JPH3: variants seen among roughly 807,000 people sequenced by gnomAD.
JPH3 encodes the protein junctophilin-3.
JPH3 carries 11 observed loss-of-function variants against 59.6 expected under a neutral mutation model. The ratio of observed to expected loss-of-function variants is 0.18; its 90% CI spans 0.12 to 0.31. The LOEUF (loss-of-function observed/expected upper bound fraction) is 0.31, where lower values mean the gene tolerates loss of function less well. JPH3 is among the 10% of genes least tolerant of loss of function. JPH3 has a pLI of 1.00. For synonymous variants in JPH3, 673 were observed against 483.6 expected, an observed-to-expected ratio of 1.39 and a Z score of -5.14; for missense variants, 1,202 against 1,105.7, an observed-to-expected ratio of 1.09 and a Z score of -1.24.
chr16:87,690,640 G>C, intron 4 of JPH3, 114 bp downstream of exon 4: 1 of 1,132,666 alleles, frequency 8.8e-7, no homozygotes, highest in Non-Finnish European at 1.2e-6. Flanking sequence ...CCTCTCCAGG[G>C]GTGGAGTAGG....
rs1328216609 is a variant in JPH3 at position 87,690,016 on chromosome 16, C to T, written c.1656C>T (p.Leu552=). 14 of 1,526,712 alleles carry T rather than the reference C, an allele frequency of 9.2e-6. No homozygotes were observed. The highest frequency in any genetic ancestry group is 4.2e-5 in the African/African-American group (3 of 72,138). 94.6% of individuals were successfully genotyped at this position (1,526,712 alleles called of 1,614,324 possible). A position where few individuals can be genotyped will look rare whatever the true frequency, so the allele number is the denominator to read the frequency against. ...GCGGTGCCCTGCGCGGCGGCCTGCT[C>T]GTGGATGACTTCCGCACCCGAGGTT... ...VRSGALRGGL[L]VDDFRTRGSG... The change falls in exon 4 of 5, where the codon CTC becomes CTT. Residue 552 remains leucine, a synonymous_variant. Coordinates refer to ENST00000284262, the MANE Select transcript of JPH3 (RefSeq NM_020655.4).
intron 3 of JPH3, among the ~76,000 whole-genome samples, chr16:87,684,641 C>T (rs1358695773): frequency 1.3e-5 from 2 of 152,348 alleles, no homozygotes; most frequent in Admixed American, 6.5e-5. Flanking sequence ...CTGGGTCCAG[C>T]GTGGCAGCCA....
chr16:87,637,132 G>C (rs1309127094), intron 1 of JPH3, among the ~76,000 whole-genome samples: 2 of 152,234 alleles, frequency 1.3e-5, no homozygotes, highest in African/African-American at 2.4e-5. Context: ...TCTTACATCT[G>C]TATTTTTATT....
rs190967167 is a variant in JPH3 at position 87,638,208 on chromosome 16, C to T, written c.383-6050C>T. On this transcript the variant is annotated intron_variant, in intron 1 of 4. Coordinates refer to ENST00000284262, the MANE Select transcript of JPH3 (RefSeq NM_020655.4). Reference sequence around the variant, plus strand: ...TGCTGAGATTATAGGCATGAGCCACCACACCCGGCCTCCTTTTAAAATTTT... The same window carrying T: ...TGCTGAGATTATAGGCATGAGCCACTACACCCGGCCTCCTTTTAAAATTTT... Among the ~76,000 whole-genome samples, 166 of 152,300 alleles carry T rather than the reference C, an allele frequency of 1.1e-3. 1 individual carries two copies. The East Asian group carries it at 0.016, about 14-fold the overall frequency.
At chr16:87,659,036 A>G (rs559362346) in intron 2 of JPH3, among the ~76,000 whole-genome samples, 1 of 152,306 alleles carries the variant, frequency 6.6e-6, no homozygotes, top group South Asian at 2.1e-4. Context: ...CGGCGGCCAC[A>G]GCGAAAGCCA....
At chr16:87,629,684 G>A (rs574693171) in intron 1 of JPH3, among the ~76,000 whole-genome samples, 2 of 152,026 alleles carry the variant, frequency 1.3e-5, no homozygotes, top group African/African-American at 4.8e-5. Flanking sequence ...CCAGGGTTGG[G>A]GGGGAGGGAG....
chr16:87,667,495 C>G (rs2032900516), intron 2 of JPH3, among the ~76,000 whole-genome samples: 1 of 152,226 alleles, frequency 6.6e-6, no homozygotes, highest in African/African-American at 2.4e-5. Context: ...CTGCCCCACC[C>G]TAAGCTGAAG....
chr16:87,659,077 G>A lies in JPH3; in HGVS notation c.1160+14042G>A, dbSNP rs563453404. On this transcript the variant is annotated intron_variant, in intron 2 of 4. Coordinates refer to ENST00000284262, the MANE Select transcript of JPH3 (RefSeq NM_020655.4). ...CCTGCCCCATGCCTGGCTTTGTCGC[G>A]ACGGCTGCTGGAACAGACGGGTGTG... Among the ~76,000 whole-genome samples the A allele has an allele frequency of 1.2e-4, 19 of 152,272 alleles. 1 individual carries two copies. The highest frequency in any genetic ancestry group is 1.2e-3 in the South Asian group (6 of 4,826).
chr16:87,645,630 C>T (rs1215508535), intron 2 of JPH3, among the ~76,000 whole-genome samples: 1 of 152,194 alleles, frequency 6.6e-6, no homozygotes. Flanking sequence ...ATTTGGGGTC[C>T]AGTGGGGCCT....
At chr16:87,673,167 T>C (rs1306303665) in intron 2 of JPH3, among the ~76,000 whole-genome samples, 2 of 151,356 alleles carry the variant, frequency 1.3e-5, no homozygotes, top group African/African-American at 2.4e-5. Flanking sequence ...AAAGTTTAAA[T>C]GTAAAACATA....
intron 4 of JPH3, 139 bp from the exon 5 acceptor site, chr16:87,696,441 A>C: frequency 1.4e-6 from 1 of 704,926 alleles, no homozygotes; most frequent in Non-Finnish European, 2.5e-6. Context: ...TTTGGTGTCC[A>C]AGCGTTTCTA....
At chr16:87,689,144 G>A (rs1191734861) in intron 3 of JPH3, among the ~76,000 whole-genome samples, 5 of 152,116 alleles carry the variant, frequency 3.3e-5, no homozygotes, top group Non-Finnish European at 5.9e-5. Context: ...GGGCTCTCAC[G>A]CTGGCCCCGG....
chr16:87,604,287 CCTGCTGCTG>C (rs71156237), intron 1 of JPH3: 36,304 of 1,432,756 alleles, frequency 0.025, 377 homozygotes, highest in Non-Finnish European at 0.03. Context: ...CAGGGAGCTG[CCTGCTGCTG>C]CTGCTGCTGC....
rs1555534451 is a variant in JPH3 at position 87,620,479 on chromosome 16, A to AAGAGAGGGAGAGAAGGAGAGG, written c.382+16963_382+16964insAAGGAGAGGAGAGAGGGAGAG. 5.1e-4 allele frequency among the ~76,000 whole-genome samples: 53 copies of AAGAGAGGGAGAGAAGGAGAGG among 103,704 alleles called. 2 individuals carry two copies. The highest frequency in any genetic ancestry group is 1.4e-3 in the Admixed American group (14 of 10,004). 68.0% of individuals were successfully genotyped at this position (103,704 alleles called of 152,430 possible). A position where few individuals can be genotyped will look rare whatever the true frequency, so the allele number is the denominator to read the frequency against. On this transcript the variant is annotated intron_variant, in intron 1 of 4. Coordinates refer to ENST00000284262, the MANE Select transcript of JPH3 (RefSeq NM_020655.4). ...AGGAGAGAGAGGGAGAGAAGGAGAG[A>AAGAGAGGGAGAGAAGGAGAGG]AGAGAGGGAGAGGGGGAGGGGAAGA...
chr16:87,695,082 C>T (rs1326055410), intron 4 of JPH3: 3 of 346,558 alleles, frequency 8.7e-6, no homozygotes, highest in African/African-American at 4.3e-5. Flanking sequence ...AGTGGAACTG[C>T]TGGGTCCCCG....
intron 1 of JPH3, among the ~76,000 whole-genome samples, chr16:87,634,341 G>A (rs971275541): frequency 1.3e-5 from 2 of 152,144 alleles, no homozygotes; most frequent in African/African-American, 2.4e-5. Flanking sequence ...CAGCCAAAGC[G>A]GCTCAAGTGG....
At chr16:87,658,711 C>G (rs1041180087) in intron 2 of JPH3, among the ~76,000 whole-genome samples, 1 of 152,200 alleles carries the variant, frequency 6.6e-6, no homozygotes, top group Non-Finnish European at 1.5e-5. Context: ...GGACTCACCC[C>G]CCTGCAGTGG....
At chr16:87,629,204 G>A (rs999600280) in intron 1 of JPH3, among the ~76,000 whole-genome samples, 6 of 152,180 alleles carry the variant, frequency 3.9e-5, no homozygotes, top group African/African-American at 1.4e-4. Context: ...CTCAGCAAAT[G>A]CCAGCAGACC....
chr16:87,604,146 C>A, intron 1 of JPH3: 1 of 1,361,088 alleles, frequency 7.3e-7, no homozygotes, highest in Non-Finnish European at 9.6e-7. Context: ...GAGGGAGGCC[C>A]ATCTGCTCAG....
Sources: allele counts gnomAD v4.1 joint callset (sites outside exome capture counted in the v4.1 genomes callset), GRCh38; gene constraint gnomAD v4.1.1; transcripts MANE v1.5; gene names NCBI Gene and HGNC (gene_info 2026-07-23, HGNC 2026-07-21).